Variants in RSPRY1 observed in about 807,000 individuals in gnomAD.
RSPRY1 encodes ring finger and SPRY domain containing 1.
A neutral mutation model predicts 73.1 loss-of-function variants in RSPRY1; 23 were observed. That is an observed-to-expected ratio of 0.31 (90% CI 0.23 to 0.45). The LOEUF (loss-of-function observed/expected upper bound fraction) is 0.45. RSPRY1 is among the 20% of genes least tolerant of loss of function. The pLI is 1.00. For missense variants in RSPRY1, 448 were observed against 698.7 expected (o/e 0.64, Z 4.05); for synonymous variants, 226 against 251.4 (o/e 0.90, Z 0.95).
At chr16:57,197,616 C>G (rs2074473731) in intron 1 of RSPRY1, among the ~76,000 whole-genome samples, 1 of 152,100 alleles carries the variant, frequency 6.6e-6, no homozygotes, top group South Asian at 2.1e-4. Context: ...GAAAATTGCT[C>G]TTTTGGAAGA....
At chr16:57,186,243 G>A (rs2074165953), upstream of RSPRY1, 1 of 911,792 alleles carries the variant, frequency 1.1e-6, no homozygotes, top group Admixed American at 6.2e-5. Flanking sequence ...AAGGTGATTG[G>A]CTGTCAAGGA....
intron 10 of RSPRY1, among the ~76,000 whole-genome samples, chr16:57,222,989 A>C (rs1248575586): frequency 4.0e-5 from 6 of 151,388 alleles, no homozygotes; most frequent in Non-Finnish European, 4.4e-5. Flanking sequence ...AAAGACTTAA[A>C]TACTGTTTTT....
intron 14 of RSPRY1, among the ~76,000 whole-genome samples, chr16:57,236,526 G>GA (rs2075302055): frequency 6.6e-6 from 1 of 152,144 alleles, no homozygotes; most frequent in East Asian, 1.9e-4. Context: ...AGAGGAGACT[G>GA]AAAATCTAAG....
rs551046755 is a variant in RSPRY1 at position 57,204,767 on chromosome 16, G to T, written c.109G>T (p.Ala37Ser). ...CCACTTCCTAGGGACTGGAGGTGCC[G>T]CTACTACCATGGGTAATTCCTGTAT... ...IAHFLGTGGA[A>S]TTMGNSCICR... Residue 37 changes from alanine to serine, a missense_variant, in exon 2 of 15, where the codon GCT becomes TCT. Ala to Ser is a moderately conservative substitution (Grantham distance 99, BLOSUM62 1). Coordinates refer to ENST00000394420, the MANE Select transcript of RSPRY1 (RefSeq NM_133368.3). 1.2e-6 allele frequency: 2 copies of T among 1,614,160 alleles called. No individual in the cohort carries two copies. The highest frequency in any genetic ancestry group is 3.3e-5 in the Admixed American group (2 of 60,006).
At chr16:57,229,690 C>CTTTTTTTTTTTTTTTTTT (rs1162737560) in intron 11 of RSPRY1, among the ~76,000 whole-genome samples, 1 of 42,102 alleles carries the variant, frequency 2.4e-5, no homozygotes, top group Non-Finnish European at 4.0e-5. Flanking sequence ...AAGATAAATG[C>CTTTTTTTTTTTTTTTTTT]TTTTTTTTTT....
At chr16:57,235,457 G>T (rs1034357613) in intron 14 of RSPRY1, among the ~76,000 whole-genome samples, 5 of 152,158 alleles carry the variant, frequency 3.3e-5, no homozygotes, top group Non-Finnish European at 1.5e-5. Flanking sequence ...TTCACAAAAT[G>T]TAACAGGTTT....
intron 1 of RSPRY1, among the ~76,000 whole-genome samples, chr16:57,193,059 G>A (rs1328114237): frequency 6.6e-6 from 1 of 152,132 alleles, no homozygotes; most frequent in Non-Finnish European, 1.5e-5. Context: ...TTTCAAAGGT[G>A]TGCTTTCTTA....
intron 13 of RSPRY1, among the ~76,000 whole-genome samples, chr16:57,233,216 T>A (rs2075252063): frequency 6.6e-6 from 1 of 152,200 alleles, no homozygotes; most frequent in South Asian, 2.1e-4. Flanking sequence ...TTCCATTCAT[T>A]CTTTTTTTCT....
chr16:57,209,862 A>T (rs985329478), intron 4 of RSPRY1, among the ~76,000 whole-genome samples: 1 of 150,752 alleles, frequency 6.6e-6, no homozygotes, highest in African/African-American at 2.4e-5. Context: ...TTTTTTAGAG[A>T]TGGGGTTTCA....
Position 57,238,983 on chromosome 16 carries a change from G to A in RSPRY1, c.*8G>A. The A allele has an allele frequency of 6.7e-7, 1 of 1,489,230 alleles. No individual in the cohort carries two copies. Among genetic ancestry groups the A allele is most frequent in the Non-Finnish European group, 9.3e-7 (1 of 1,078,046 alleles). The allele number at this position is 1,489,230 out of a possible 1,614,324, so 92.3% of individuals were successfully genotyped here. A position where few individuals can be genotyped will look rare whatever the true frequency, so the allele number is the denominator to read the frequency against. On this transcript the variant is annotated 3_prime_UTR_variant, in exon 15 of 15. Coordinates refer to ENST00000394420, the MANE Select transcript of RSPRY1 (RefSeq NM_133368.3). Reference sequence around the variant, plus strand: ...ATTTCTCATATTTCATGACACATGTGAAGAGGCATCGTGGACTTTTTTCTA... The same window carrying A: ...ATTTCTCATATTTCATGACACATGTAAAGAGGCATCGTGGACTTTTTTCTA...
intron 1 of RSPRY1, among the ~76,000 whole-genome samples, chr16:57,197,184 ACC>A (rs2074464346): frequency 6.6e-6 from 1 of 152,154 alleles, no homozygotes; most frequent in Non-Finnish European, 1.5e-5. Context: ...ATTAGCTTTC[ACC>A]CAGTCTTTTG....
chr16:57,201,068 C>T (rs1377984801), intron 1 of RSPRY1, among the ~76,000 whole-genome samples: 7 of 152,032 alleles, frequency 4.6e-5, no homozygotes, highest in Non-Finnish European at 1.0e-4. Context: ...CTGACCCCCA[C>T]CTCCCTCCCA....
In RSPRY1 at chr16:57,235,105, A is replaced by C; in HGVS notation, c.1530-19A>C. On this transcript the variant is annotated intron_variant, in intron 13 of 14. Coordinates refer to ENST00000394420, the MANE Select transcript of RSPRY1 (RefSeq NM_133368.3). ...ACCCCTGTTGACAAAATGTATTTCA[A>C]ATTGCTTTTTCTACTCAGGCACAGG... 6.3e-7 allele frequency: 1 copy of C among 1,593,856 alleles called. No individual in the cohort carries two copies. The highest frequency in any genetic ancestry group is 1.7e-4 in the Middle Eastern group (1 of 6,018).
At chr16:57,202,685 C>T (rs1317715479) in intron 1 of RSPRY1, among the ~76,000 whole-genome samples, 2 of 151,974 alleles carry the variant, frequency 1.3e-5, no homozygotes, top group Admixed American at 6.6e-5. Context: ...GAAGACAGCC[C>T]GAGTGGTTTG....
intron 11 of RSPRY1, among the ~76,000 whole-genome samples, chr16:57,229,429 A>G (rs2075171869): frequency 6.6e-6 from 1 of 152,066 alleles, no homozygotes; most frequent in African/African-American, 2.4e-5. Flanking sequence ...AGCCTGGGCA[A>G]CATAATGAGA....
chr16:57,208,403 T>A (rs1195293880), intron 3 of RSPRY1, among the ~76,000 whole-genome samples: 3 of 139,236 alleles, frequency 2.2e-5, no homozygotes, highest in South Asian at 2.3e-4. Context: ...TATATATATT[T>A]TTTTTTTTTT....
At chr16:57,227,576 C>G (rs1470802677) in intron 11 of RSPRY1, 123 bp downstream of exon 11, 3 of 694,974 alleles carry the variant, frequency 4.3e-6, no homozygotes, top group Non-Finnish European at 7.7e-6. Flanking sequence ...GGGATATTAA[C>G]TTTTGTGTCA....
At chr16:57,212,872 C>A in intron 4 of RSPRY1, 100 bp from the exon 5 acceptor site, 1 of 1,330,400 alleles carries the variant, frequency 7.5e-7, no homozygotes, top group Non-Finnish European at 1.0e-6. Flanking sequence ...CTCGGCCTCC[C>A]AAAGTGCTGG....
chr16:57,232,861 TGCTGTCTCTA>T (rs1441893988), intron 13 of RSPRY1, among the ~76,000 whole-genome samples: 3 of 152,234 alleles, frequency 2.0e-5, no homozygotes, highest in Admixed American at 2.0e-4. Context: ...GTCAATCCTA[TGCTGTCTCTA>T]GACTGTTTTC....
Sources: allele counts gnomAD v4.1 joint callset (sites outside exome capture counted in the v4.1 genomes callset), GRCh38; gene constraint gnomAD v4.1.1; transcripts MANE v1.5; gene names NCBI Gene and HGNC (gene_info 2026-07-23, HGNC 2026-07-21).